Variants in RAVER2 observed in about 807,000 individuals in gnomAD.
The protein encoded by RAVER2 is ribonucleoprotein PTB-binding 2.
Under a neutral mutation model 78.1 loss-of-function variants are expected in RAVER2, and 46 were observed. The ratio of observed to expected loss-of-function variants is 0.59; its 90% CI spans 0.46 to 0.75. The LOEUF (loss-of-function observed/expected upper bound fraction) is 0.75. Among genes scored for constraint, RAVER2 ranks in the 30% least tolerant of loss-of-function variants. The pLI, the probability that RAVER2 is intolerant of heterozygous loss-of-function variation, is 0.00. For synonymous variants in RAVER2, 311 were observed against 313.3 expected, an observed-to-expected ratio of 0.99 and a Z score of 0.08; for missense variants, 793 against 837.5, an observed-to-expected ratio of 0.95 and a Z score of 0.66.
chr1:64,808,877 T>G, intron 9 of RAVER2, among the ~76,000 whole-genome samples: 1 of 152,196 alleles, frequency 6.6e-6, no homozygotes, highest in Non-Finnish European at 1.5e-5. Context: ...CTCTTTGCAA[T>G]CTTTAATTCA....
At chr1:64,755,097 ATGTAATATTTCCTCC>A (rs1651815506) in intron 1 of RAVER2, among the ~76,000 whole-genome samples, 1 of 152,230 alleles carries the variant, frequency 6.6e-6, no homozygotes, top group South Asian at 2.1e-4. Context: ...AGAAGTTACA[ATGTAATATTTCCTCC>A]TTAACATTTA....
intron 2 of RAVER2, among the ~76,000 whole-genome samples, chr1:64,773,515 CT>C (rs1391267764): frequency 1.3e-5 from 2 of 152,066 alleles, no homozygotes; most frequent in Non-Finnish European, 2.9e-5. Flanking sequence ...TGAACTCATC[CT>C]TTTTTATGGC....
At chr1:64,782,096 G>T (rs941680352) in intron 4 of RAVER2, among the ~76,000 whole-genome samples, 28 of 152,160 alleles carry the variant, frequency 1.8e-4, no homozygotes, top group African/African-American at 6.8e-4. Context: ...TAGAGACAGG[G>T]TGTTGCCATG....
intron 4 of RAVER2, among the ~76,000 whole-genome samples, chr1:64,782,007 A>T (rs1477207803): frequency 2.0e-5 from 3 of 152,024 alleles, no homozygotes; most frequent in Admixed American, 1.3e-4. Context: ...GGGTTCAAGC[A>T]ATTCTCCTGC....
intron 9 of RAVER2, 21 bp downstream of exon 9, chr1:64,807,495 C>A: frequency 6.2e-7 from 1 of 1,610,404 alleles, no homozygotes; most frequent in Non-Finnish European, 8.5e-7. Flanking sequence ...TGTGGGTGCA[C>A]ACAGATGTAT....
chr1:64,745,426 T>C lies in RAVER2; in HGVS notation c.249+5T>C. 1.3e-6 allele frequency: 2 copies of C among 1,526,948 alleles called. No homozygotes were observed. The highest frequency in any genetic ancestry group is 1.2e-5 in the South Asian group (1 of 83,694). 94.6% of individuals were successfully genotyped at this position (1,526,948 alleles called of 1,614,324 possible). ...CCCCAGGACAGCAACTGCCAGGTAC[T>C]GGGACGGTGATAGGGGCGACGCGTC... On this transcript the variant is annotated splice_donor_5th_base_variant and intron_variant, in intron 1 of 11. Transcript: ENST00000294428. This position sits in a 1 kb window ranked among gnomAD's most constrained non-coding sequence, Gnocchi z 4.3.
chr1:64,797,248 C>T lies in RAVER2; in HGVS notation c.1106-5728C>T, dbSNP rs112885264. On this transcript the variant is annotated intron_variant, in intron 5 of 11. Transcript: ENST00000294428. Reference sequence around the variant, plus strand: ...AACATGGTTGATAGTGTTCATGTCTCCTATATCCTTACTGATTTTTCATCA... The same window carrying T: ...AACATGGTTGATAGTGTTCATGTCTTCTATATCCTTACTGATTTTTCATCA... 2.0e-5 allele frequency among the ~76,000 whole-genome samples: 3 copies of T among 152,290 alleles called. 1 individual carries two copies. The highest frequency in any genetic ancestry group is 7.2e-5 in the African/African-American group (3 of 41,566).
At chr1:64,777,043 T>C (rs1174202588) in intron 2 of RAVER2, among the ~76,000 whole-genome samples, 1 of 152,172 alleles carries the variant, frequency 6.6e-6, no homozygotes, top group Non-Finnish European at 1.5e-5. Flanking sequence ...ATTAAAAGTG[T>C]CTGTGTGTTA....
intron 5 of RAVER2, among the ~76,000 whole-genome samples, chr1:64,797,433 G>C (rs1653125272): frequency 6.6e-6 from 1 of 152,142 alleles, no homozygotes; most frequent in Non-Finnish European, 1.5e-5. Context: ...AAGGTACTGT[G>C]TTCAGTAAAA....
chr1:64,819,154 TAA>T (rs1309678635), intron 11 of RAVER2, among the ~76,000 whole-genome samples: 1 of 151,912 alleles, frequency 6.6e-6, no homozygotes, highest in Non-Finnish European at 1.5e-5. Flanking sequence ...GACCCACAAT[TAA>T]GAGAAAAAGT....
At chr1:64,769,461 A>T (rs147043569) in intron 2 of RAVER2, among the ~76,000 whole-genome samples, 132 of 152,158 alleles carry the variant, frequency 8.7e-4, no homozygotes, top group African/African-American at 3.1e-3. Flanking sequence ...TTACATTTTG[A>T]TAGCCATTAA....
Position 64,830,962 on chromosome 1 carries a change from T to A in RAVER2, c.2053T>A (p.Leu685Ile), listed in dbSNP as rs1277771105. 4.3e-6 allele frequency: 7 copies of A among 1,613,554 alleles called. No homozygotes were observed. The African/African-American group carries it at 9.3e-5, about 22-fold the overall frequency. Residue 685 changes from leucine to isoleucine, a missense_variant, in exon 12 of 12, where the codon TTA (leucine) becomes ATA (isoleucine). Leu to Ile is a conservative substitution (Grantham distance 5). Coordinates refer to ENST00000294428, the Ensembl canonical transcript of RAVER2. ...AGGAGCATATTACATGGAAACTTAC[T>A]TAAAAAAGAAGCGAGTATACTGAGT...
intron 10 of RAVER2, among the ~76,000 whole-genome samples, chr1:64,813,843 A>G (rs1453852205): frequency 6.7e-6 from 1 of 148,420 alleles, no homozygotes; most frequent in East Asian, 2.0e-4. Context: ...ACACACACAC[A>G]CACACACACA....
intron 11 of RAVER2, among the ~76,000 whole-genome samples, chr1:64,825,686 TAAAAATTGAGCTTAAGATACATTGTATTA>T (rs1653990301): frequency 6.6e-6 from 1 of 152,158 alleles, no homozygotes; most frequent in East Asian, 1.9e-4. Context: ...GACATGAGCT[TAAAAATTGAGCTTAAGATACATTGTATTA>T]AAAACTGGCA....
At chr1:64,755,563 T>C (rs1454185753) in intron 1 of RAVER2, among the ~76,000 whole-genome samples, 1 of 151,970 alleles carries the variant, frequency 6.6e-6, no homozygotes, top group African/African-American at 2.4e-5. Context: ...CCTTAGACAA[T>C]TGCTTTTTAT....
At position 64,814,911 on chromosome 1, in the gene RAVER2, GA is replaced by G. The variant is rs1653718606; in HGVS notation, c.1929+74del. ...ACTATATATTGAGTTCACTGAATAT[GA>G]AATTGTGATTTCTATATTATTAACG... is the stretch of plus-strand genomic sequence containing the variant. On this transcript the variant is annotated intron_variant, in intron 11 of 11. Transcript: ENST00000294428. 4.7e-6 allele frequency: 6 copies of G among 1,267,700 alleles called. No individual in the cohort carries two copies. The Admixed American group carries it at 7.5e-5, about 16-fold the overall frequency. The allele number at this position is 1,267,700 out of a possible 1,614,324, so 78.5% of individuals were successfully genotyped here.
chr1:64,757,997 C>G (rs879599042), intron 1 of RAVER2, among the ~76,000 whole-genome samples: 2 of 152,094 alleles, frequency 1.3e-5, no homozygotes, highest in African/African-American at 2.4e-5. Flanking sequence ...CCATTCCCCC[C>G]ACAGATACCC....
intron 11 of RAVER2, among the ~76,000 whole-genome samples, chr1:64,824,226 G>T (rs1000858266): frequency 6.6e-6 from 1 of 152,196 alleles, no homozygotes. Flanking sequence ...GATCTCCCCT[G>T]CCAGGAGGCT....
intron 11 of RAVER2, among the ~76,000 whole-genome samples, chr1:64,830,374 T>C (rs1344991580): frequency 6.6e-6 from 1 of 152,250 alleles, no homozygotes; most frequent in Non-Finnish European, 1.5e-5. Flanking sequence ...TTCTTTGATG[T>C]CATTTGTCAG....
Sources: allele counts gnomAD v4.1 joint callset (sites outside exome capture counted in the v4.1 genomes callset), GRCh38; gene constraint gnomAD v4.1.1; non-coding constraint Gnocchi (gnomAD v3.1); transcripts MANE v1.5; gene names NCBI Gene and HGNC (gene_info 2026-07-23, HGNC 2026-07-21).